Variants in C1QTNF5 observed in about 807,000 individuals in gnomAD.
C1QTNF5 encodes C1q and TNF related 5, also known as complement C1q tumor necrosis factor-related protein 5.
C1QTNF5 carries 5 observed loss-of-function variants against 10.9 expected under a neutral mutation model. The ratio of observed to expected loss-of-function variants is 0.46; its 90% CI spans 0.24 to 0.97. The LOEUF (loss-of-function observed/expected upper bound fraction) is 0.97, where lower values mean the gene tolerates loss of function less well. Among genes scored for constraint, C1QTNF5 ranks in the 50% least tolerant of loss-of-function variants. The probability of loss-of-function intolerance (pLI) is 0.19; values close to 1 mark genes in which losing one functional copy is unlikely to be tolerated. For missense variants in C1QTNF5, 281 were observed against 339.4 expected (o/e 0.83, Z 1.35); for synonymous variants, 161 against 156.5 (o/e 1.03, Z -0.22).
In C1QTNF5 at chr11:119,339,667, C is replaced by T. The variant is rs1358948095; in HGVS notation, c.396G>A (p.Glu132=). 3 of 1,611,768 alleles carry T rather than the reference C, an allele frequency of 1.9e-6. No individual in the cohort carries two copies. In the South Asian group the frequency reaches 3.3e-5, roughly 18 times the overall value. ...PLPFDRVLVN[E]QGHYDAVTGK... ...CGGTGACGGCGTCGTAATGTCCCTG[C>T]TCGTTCACCAGCACGCGGTCGAAGG... The change falls in exon 3 of 3, where the codon GAG becomes GAA. Residue 132 remains glutamate (E), a synonymous_variant. Transcript: ENST00000528368. This position sits in a 1 kb window ranked among gnomAD's most constrained non-coding sequence, Gnocchi z 5.4.
chr11:119,345,477 G>A (rs1302677027), upstream of C1QTNF5: 1 of 1,614,092 alleles, frequency 6.2e-7, no homozygotes, highest in Non-Finnish European at 8.5e-7. Context: ...AAGGCAAGAG[G>A]CCACACTCTC....
chr11:119,345,563 G>T (rs200825785), upstream of C1QTNF5: 13 of 1,612,332 alleles, frequency 8.1e-6, no homozygotes, highest in Middle Eastern at 3.3e-4. Context: ...AGTGGGTGTT[G>T]GGGGGGTAAG....
chr11:119,343,185 G>C (rs1950520894), upstream of C1QTNF5, among the ~76,000 whole-genome samples: 2 of 152,160 alleles, frequency 1.3e-5, no homozygotes, highest in African/African-American at 4.8e-5. Context: ...TAAACAAACT[G>C]TCTGAACTCG....
At chr11:119,342,679 C>G, upstream of C1QTNF5, 2 of 1,613,732 alleles carry the variant, frequency 1.2e-6, no homozygotes, top group Non-Finnish European at 1.7e-6. Flanking sequence ...CCACTGCACA[C>G]CCTTACACCC....
upstream of C1QTNF5, chr11:119,342,783 C>T: frequency 1.2e-6 from 2 of 1,613,062 alleles, no homozygotes; most frequent in Non-Finnish European, 1.7e-6. Context: ...CCCCAGTACC[C>T]CCAGAGTGTC....
rs764843046 is a variant in C1QTNF5 at position 119,340,168 on chromosome 11, G to A, written c.214+16C>T. On this transcript the variant is annotated intron_variant, in intron 2 of 2. Coordinates refer to ENST00000528368, the MANE Select transcript of C1QTNF5 (RefSeq NM_001278431.2). ...CTCGGACATCGCCACCGATAGCCGCGGCGGTGCCTTCTTACCCGGCCTCCC... is the reference window on the plus strand; with the variant it reads ...CTCGGACATCGCCACCGATAGCCGCAGCGGTGCCTTCTTACCCGGCCTCCC... The A allele has an allele frequency of 4.8e-5, 72 of 1,509,274 alleles. No homozygotes were observed. Among genetic ancestry groups the A allele is most frequent in the Non-Finnish European group, 2.4e-5 (27 of 1,131,832 alleles). 93.5% of individuals were successfully genotyped at this position (1,509,274 alleles called of 1,614,324 possible). A position where few individuals can be genotyped will look rare whatever the true frequency, so the allele number is the denominator to read the frequency against.
At chr11:119,346,323 G>T in the C1QTNF5 span, 1 of 1,614,044 alleles carries the variant, frequency 6.2e-7, no homozygotes, top group Non-Finnish European at 8.5e-7. Context: ...AAAACTGGGG[G>T]AGGGCAGGGT....
At chr11:119,343,952 G>A, upstream of C1QTNF5, 2 of 1,613,030 alleles carry the variant, frequency 1.2e-6, no homozygotes, top group Non-Finnish European at 8.5e-7. Flanking sequence ...ACCGAGATAT[G>A]CCAGGTGCAG....
chr11:119,340,536 C>A lies in C1QTNF5; in HGVS notation c.-43-96G>T, dbSNP rs182944983. ...GCCCAGTCGGTCCCCACCCCACTGCCGTGCCCCTGAGGCTGAGCGCTCGCA... is the reference window on the plus strand; with the variant it reads ...GCCCAGTCGGTCCCCACCCCACTGCAGTGCCCCTGAGGCTGAGCGCTCGCA... On this transcript the variant is annotated intron_variant, in intron 1 of 2. Coordinates refer to ENST00000528368, the MANE Select transcript of C1QTNF5 (RefSeq NM_001278431.2). 5,068 of 918,230 alleles carry A rather than the reference C, an allele frequency of 5.5e-3. 342 individuals are homozygous for A. In the Admixed American group the frequency reaches 0.1, roughly 19 times the overall value. The allele number at this position is 918,230 out of a possible 1,614,324, so 56.9% of individuals were successfully genotyped here.
the C1QTNF5 span, chr11:119,346,298 C>T: frequency 6.2e-7 from 1 of 1,613,702 alleles, no homozygotes; most frequent in East Asian, 2.2e-5. Flanking sequence ...GACGCTGTAG[C>T]TGGCATCCTC....
upstream of C1QTNF5, chr11:119,344,747 G>A (rs755202019): frequency 6.2e-7 from 1 of 1,614,016 alleles, no homozygotes; most frequent in Non-Finnish European, 8.5e-7. Flanking sequence ...ACTCATCATG[G>A]GCACAGCTCC....
chr11:119,343,614 A>T (rs1950525940), upstream of C1QTNF5, among the ~76,000 whole-genome samples: 1 of 152,020 alleles, frequency 6.6e-6, no homozygotes, highest in South Asian at 2.1e-4. Flanking sequence ...AGGTTTGGGG[A>T]AGGACCTCCT....
In C1QTNF5 at chr11:119,339,256, C is replaced by T. The variant is rs1202233605; in HGVS notation, c.*75G>A. 1.6e-5 allele frequency: 24 copies of T among 1,530,328 alleles called. No homozygotes were observed. Among genetic ancestry groups the T allele is most frequent in the East Asian group, 2.3e-5 (1 of 44,202 alleles). The allele number at this position is 1,530,328 out of a possible 1,614,324, so 94.8% of individuals were successfully genotyped here. ...TCACAATATTCCAGGGGGGCCAGCCCTCCTGGATGACCTGGTTGTCAGCCT... is the reference window on the plus strand; with the variant it reads ...TCACAATATTCCAGGGGGGCCAGCCTTCCTGGATGACCTGGTTGTCAGCCT... On this transcript the variant is annotated 3_prime_UTR_variant, in exon 3 of 3. Transcript: ENST00000528368. The surrounding 1 kb of genome is among the most constrained non-coding windows in gnomAD (Gnocchi z 5.4).
At chr11:119,344,702 G>C (rs745601323), upstream of C1QTNF5, 3 of 1,614,086 alleles carry the variant, frequency 1.9e-6, no homozygotes, top group South Asian at 3.3e-5. Context: ...CACACACTGA[G>C]TCAGGTAGCA....
rs2135366473 is a variant in C1QTNF5, at chr11:119,340,761, T to C, written c.-110A>G. 3.6e-6 allele frequency: 1 copy of C among 278,994 alleles called. No individual in the cohort carries two copies. The highest frequency in any genetic ancestry group is 4.3e-5 in the South Asian group (1 of 23,058). The allele number at this position is 278,994 out of a possible 1,614,324, so 17.3% of individuals were successfully genotyped here. A position where few individuals can be genotyped will look rare whatever the true frequency, so the allele number is the denominator to read the frequency against. On this transcript the variant is annotated 5_prime_UTR_variant, in exon 1 of 3. Coordinates refer to ENST00000528368, the MANE Select transcript of C1QTNF5 (RefSeq NM_001278431.2). The stretch of plus-strand genomic sequence containing the variant: ...CTACTCCGGACCCTCCAGTTGGTGG[T>C]GCTCCAGCCCCCGCGCTTCTCCCCG...
upstream of C1QTNF5, chr11:119,345,404 G>T: frequency 3.1e-6 from 5 of 1,612,602 alleles, no homozygotes; most frequent in Non-Finnish European, 4.2e-6. Context: ...GATGTCCTGG[G>T]GACAGAGGGA....
upstream of C1QTNF5, chr11:119,343,058 C>T (rs1950519788): frequency 1.2e-5 from 18 of 1,552,254 alleles, 1 homozygote; most frequent in East Asian, 1.2e-4. Context: ...TGAGGGGGCA[C>T]TGCAGCCTCC....
chr11:119,341,979 CCAGCTCTG>C (rs1313392048), upstream of C1QTNF5: 2 of 1,613,544 alleles, frequency 1.2e-6, no homozygotes, highest in Non-Finnish European at 1.7e-6. Flanking sequence ...GGCTCACAGG[CCAGCTCTG>C]CAGGGGTGGA....
At chr11:119,342,947 A>G, upstream of C1QTNF5, 3 of 1,612,314 alleles carry the variant, frequency 1.9e-6, no homozygotes, top group Non-Finnish European at 2.5e-6. Flanking sequence ...CCTAAACAGC[A>G]CAGCCAGCTC....
Sources: allele counts gnomAD v4.1 joint callset (sites outside exome capture counted in the v4.1 genomes callset), GRCh38; gene constraint gnomAD v4.1.1; non-coding constraint Gnocchi (gnomAD v3.1); transcripts MANE v1.5; gene names NCBI Gene and HGNC (gene_info 2026-07-23, HGNC 2026-07-21).